Variants in ARL15 observed in about 807,000 individuals in gnomAD.
ARL15 encodes ARF like GTPase 15, also known as ADP-ribosylation factor-like protein 15.
ARL15 carries 19 observed loss-of-function variants against 25.2 expected under a neutral mutation model. The ratio of observed to expected loss-of-function variants is 0.75; its 90% CI spans 0.53 to 1.10. ARL15 has a LOEUF of 1.10. Ranked by LOEUF, ARL15 falls within the 50% of genes least tolerant of loss-of-function variation. ARL15 has a pLI of 0.00. For missense variants in ARL15, 220 were observed against 246.0 expected (o/e 0.89, Z 0.71); for synonymous variants, 94 against 86.8 (o/e 1.08, Z -0.46).
At chr5:54,246,842 AC>A (rs1757102100) in intron 1 of ARL15, among the ~76,000 whole-genome samples, 3 of 135,724 alleles carry the variant, frequency 2.2e-5, no homozygotes, top group African/African-American at 5.5e-5. Flanking sequence ...ACACACACAC[AC>A]ACAGAGTACA....
At chr5:54,130,479 T>G (rs1301401330) in intron 3 of ARL15, among the ~76,000 whole-genome samples, 1 of 152,220 alleles carries the variant, frequency 6.6e-6, no homozygotes, top group Non-Finnish European at 1.5e-5. Flanking sequence ...TAGTCTACAA[T>G]AGCTCTTTCA....
At chr5:54,074,829 G>A (rs149517) in intron 4 of ARL15, among the ~76,000 whole-genome samples, 76,053 of 151,502 alleles carry the variant, frequency 0.5, 21,264 homozygotes, top group Non-Finnish European at 0.62. Flanking sequence ...ACACATATAA[G>A]AAGGTAAAAG....
At chr5:54,089,465 A>G (rs1361132001) in intron 4 of ARL15, among the ~76,000 whole-genome samples, 1 of 152,214 alleles carries the variant, frequency 6.6e-6, no homozygotes, top group African/African-American at 2.4e-5. Flanking sequence ...GCATTTGATA[A>G]ACTTCCTCAT....
At chr5:53,918,125 T>A (rs1561148835) in intron 4 of ARL15, among the ~76,000 whole-genome samples, 2 of 152,150 alleles carry the variant, frequency 1.3e-5, no homozygotes, top group African/African-American at 2.4e-5. Context: ...CAAGAAATAA[T>A]GCAGAGAGGT....
intron 1 of ARL15, among the ~76,000 whole-genome samples, chr5:54,245,264 A>G (rs1049834828): frequency 6.6e-6 from 1 of 152,208 alleles, no homozygotes; most frequent in Non-Finnish European, 1.5e-5. Context: ...TACGAAAAAG[A>G]AAATCTATGG....
At chr5:54,199,370 A>C (rs1252242787) in intron 1 of ARL15, among the ~76,000 whole-genome samples, 3 of 151,318 alleles carry the variant, frequency 2.0e-5, no homozygotes, top group African/African-American at 7.3e-5. Flanking sequence ...AACCCACAAA[A>C]TGGGAGAAAA....
At chr5:54,209,988 T>A (rs1464945726) in intron 1 of ARL15, among the ~76,000 whole-genome samples, 1 of 152,202 alleles carries the variant, frequency 6.6e-6, no homozygotes, top group Non-Finnish European at 1.5e-5. Context: ...TAAGGAGTTC[T>A]TTGAAAAAGG....
At chr5:54,121,069 A>T (rs546742417) in intron 3 of ARL15, among the ~76,000 whole-genome samples, 52 of 152,312 alleles carry the variant, frequency 3.4e-4, no homozygotes, top group Admixed American at 2.7e-3. Flanking sequence ...TATAGCATAA[A>T]GTATAATTAG....
At chr5:54,148,714 G>A (rs1397946328) in intron 3 of ARL15, among the ~76,000 whole-genome samples, 1 of 152,078 alleles carries the variant, frequency 6.6e-6, no homozygotes, top group African/African-American at 2.4e-5. Context: ...ATGGTGGCTG[G>A]GATGGGGCAT....
chr5:54,156,781 G>C (rs1454302306), intron 2 of ARL15, among the ~76,000 whole-genome samples: 6 of 152,184 alleles, frequency 3.9e-5, no homozygotes, highest in African/African-American at 1.4e-4. Context: ...AATGGTGCAT[G>C]AAGTCACTGA....
At chr5:54,108,057 T>C (rs914925266) in intron 4 of ARL15, among the ~76,000 whole-genome samples, 2 of 152,134 alleles carry the variant, frequency 1.3e-5, no homozygotes, top group Non-Finnish European at 2.9e-5. Flanking sequence ...GTATAATAAA[T>C]AAAATATTCT....
chr5:54,133,457 G>A (rs1270415947), intron 3 of ARL15, among the ~76,000 whole-genome samples: 1 of 152,144 alleles, frequency 6.6e-6, no homozygotes, highest in African/African-American at 2.4e-5. Flanking sequence ...CCCCACACAA[G>A]TATTATCCAT....
At chr5:54,207,970 T>C (rs548994200) in intron 1 of ARL15, among the ~76,000 whole-genome samples, 3 of 152,316 alleles carry the variant, frequency 2.0e-5, no homozygotes, top group Middle Eastern at 3.4e-3. Flanking sequence ...AGGAGTATTG[T>C]ACAGAAAAGG....
intron 3 of ARL15, among the ~76,000 whole-genome samples, chr5:54,114,114 G>A (rs1261433120): frequency 1.3e-5 from 2 of 152,028 alleles, no homozygotes; most frequent in Admixed American, 1.3e-4. Context: ...AACATATGGA[G>A]AGGCTGGGCG....
At chr5:53,899,347 CAAAAAAAA>C (rs59145507) in intron 4 of ARL15, among the ~76,000 whole-genome samples, 305 of 89,160 alleles carry the variant, frequency 3.4e-3, no homozygotes, top group African/African-American at 0.016. Context: ...GACTCTATCC[CAAAAAAAA>C]AAAAAAAAAA....
At position 54,135,532 on chromosome 5, in the gene ARL15, G is replaced by A. The variant is rs141469906; in HGVS notation, c.253+19048C>T. On this transcript the variant is annotated intron_variant, in intron 3 of 4. Coordinates refer to ENST00000504924, the MANE Select transcript of ARL15 (RefSeq NM_019087.3). ...TTCCCAATTACTATCTAGGGGAGCT[G>A]TACTATTTGTTAGTGTGGCTCCACA... is the stretch of plus-strand genomic sequence containing the variant. Among the ~76,000 whole-genome samples the A allele has an allele frequency of 1.9e-4, 29 of 152,286 alleles. No homozygotes were observed. The East Asian group carries it at 5.6e-3, about 29-fold the overall frequency.
In ARL15 at chr5:54,040,874, A is replaced by G. The variant is rs115724291; in HGVS notation, c.462+72328T>C. 7.1e-3 allele frequency among the ~76,000 whole-genome samples: 1,088 copies of G among 152,328 alleles called. 13 individuals are homozygous for G. Among genetic ancestry groups the G allele is most frequent in the African/African-American group, 0.025 (1,047 of 41,574 alleles). The stretch of plus-strand genomic sequence containing the variant: ...AAATATTGTTCAGCTCCCATAATGA[A>G]GAAGGCTAACATTAAGGATCTGTCC... On this transcript the variant is annotated intron_variant, in intron 4 of 4. Transcript: ENST00000504924.
chr5:54,217,676 T>C (rs1756248812), intron 1 of ARL15, among the ~76,000 whole-genome samples: 1 of 152,166 alleles, frequency 6.6e-6, no homozygotes, highest in African/African-American at 2.4e-5. Flanking sequence ...CATAGAAATG[T>C]ACATCTCAGA....
At chr5:54,061,535 G>A (rs1158556547) in intron 4 of ARL15, among the ~76,000 whole-genome samples, 2 of 152,104 alleles carry the variant, frequency 1.3e-5, no homozygotes, top group East Asian at 1.9e-4. Flanking sequence ...GCTTGAACCC[G>A]GGAGGTGGAG....
Sources: allele counts gnomAD v4.1 joint callset (sites outside exome capture counted in the v4.1 genomes callset), GRCh38; gene constraint gnomAD v4.1.1; transcripts MANE v1.5; gene names NCBI Gene and HGNC (gene_info 2026-07-23, HGNC 2026-07-21).